ASCC3: variants seen among roughly 807,000 people sequenced by gnomAD.
The protein encoded by ASCC3 is activating signal cointegrator 1 complex subunit 3.
Under a neutral mutation model 256.3 loss-of-function variants are expected in ASCC3, and 158 were observed. The ratio of observed to expected loss-of-function variants is 0.62; its 90% CI spans 0.54 to 0.70. The LOEUF is 0.70. Among genes scored for constraint, ASCC3 ranks in the 30% least tolerant of loss-of-function variants. The probability of loss-of-function intolerance (pLI) is 0.00; values close to 1 mark genes in which losing one functional copy is unlikely to be tolerated. For missense variants in ASCC3, 2,259 were observed against 2,626.0 expected, an observed-to-expected ratio of 0.86 and a Z score of 3.05; for synonymous variants, 948 against 883.4, an observed-to-expected ratio of 1.07 and a Z score of -1.30.
intron 24 of ASCC3, among the ~76,000 whole-genome samples, chr6:100,641,742 T>C (rs758131307): frequency 8.5e-5 from 13 of 152,106 alleles, no homozygotes; most frequent in African/African-American, 3.1e-4. Context: ...CTATTCACAA[T>C]AGCAAAGACT....
chr6:100,854,240 G>GAGACA, intron 3 of ASCC3, among the ~76,000 whole-genome samples: 1 of 151,240 alleles, frequency 6.6e-6, no homozygotes. Context: ...AACAGAGGTA[G>GAGACA]GCATTTTCCA....
intron 8 of ASCC3, among the ~76,000 whole-genome samples, chr6:100,793,583 A>G (rs945928594): frequency 8.6e-5 from 13 of 152,030 alleles, no homozygotes; most frequent in African/African-American, 3.1e-4. Flanking sequence ...CATCATAGCA[A>G]AGATGATTTC....
In ASCC3 at chr6:100,666,682, G is replaced by C. The variant is rs115432607; in HGVS notation, c.2287-4146C>G. On this transcript the variant is annotated intron_variant, in intron 14 of 41. Coordinates refer to ENST00000369162, the MANE Select transcript of ASCC3 (RefSeq NM_006828.4). Reference sequence around the variant, plus strand: ...ATAAGGAGCGAGTTTTTTACAGAAGGATATTTGCAATGATGTTTTTATCCA... The same window carrying C: ...ATAAGGAGCGAGTTTTTTACAGAAGCATATTTGCAATGATGTTTTTATCCA... Among the ~76,000 whole-genome samples the C allele has an allele frequency of 6.0e-3, 919 of 152,186 alleles. 13 individuals carry two copies. The highest frequency in any genetic ancestry group is 0.021 in the African/African-American group (868 of 41,522).
At chr6:100,655,860 G>A in intron 16 of ASCC3, 42 bp from the exon 17 acceptor site, 1 of 1,601,238 alleles carries the variant, frequency 6.2e-7, no homozygotes, top group Non-Finnish European at 8.5e-7. Flanking sequence ...TATTAAAGTT[G>A]AACATAAACA....
At chr6:100,680,496 T>C (rs1777245584) in intron 13 of ASCC3, among the ~76,000 whole-genome samples, 2 of 152,180 alleles carry the variant, frequency 1.3e-5, no homozygotes, top group Admixed American at 6.5e-5. Context: ...CTACCTTACA[T>C]CAGAATCAGC....
chr6:100,733,999 T>C (rs909427520), intron 10 of ASCC3, among the ~76,000 whole-genome samples: 3 of 152,198 alleles, frequency 2.0e-5, no homozygotes, highest in Non-Finnish European at 4.4e-5. Flanking sequence ...ATAGTTCTTG[T>C]AGGAGCTACA....
At chr6:100,726,841 T>C (rs1779652475) in intron 10 of ASCC3, among the ~76,000 whole-genome samples, 1 of 152,030 alleles carries the variant, frequency 6.6e-6, no homozygotes, top group Non-Finnish European at 1.5e-5. Flanking sequence ...ACTTTTACTG[T>C]CAACTTAAAT....
At chr6:100,577,022 C>T (rs1770905583) in intron 36 of ASCC3, among the ~76,000 whole-genome samples, 2 of 148,408 alleles carry the variant, frequency 1.3e-5, no homozygotes, top group Non-Finnish European at 3.0e-5. Context: ...AACAGACTGC[C>T]ACATTAAAAA....
chr6:100,628,931 A>T lies in ASCC3; in HGVS notation c.4375+84T>A. ...TTGTGCCCTAGAAATATATATAAAT[A>T]TTACATGCAAATTAAAAATACTAAT... is the stretch of plus-strand genomic sequence containing the variant. On this transcript the variant is annotated intron_variant, in intron 27 of 41. Transcript: ENST00000369162. 2.5e-6 allele frequency: 3 copies of T among 1,223,368 alleles called. No homozygotes were observed. The South Asian group carries it at 4.2e-5, about 17-fold the overall frequency. The allele number at this position is 1,223,368 out of a possible 1,614,324, so 75.8% of individuals were successfully genotyped here.
At chr6:100,878,724 C>A (rs1238576142) in intron 1 of ASCC3, among the ~76,000 whole-genome samples, 1 of 152,216 alleles carries the variant, frequency 6.6e-6, no homozygotes, top group Non-Finnish European at 1.5e-5. Flanking sequence ...GGAATTTACG[C>A]CTGCCCTCTT....
chr6:100,528,443 TA>T (rs1242834419), intron 37 of ASCC3, among the ~76,000 whole-genome samples: 4 of 152,216 alleles, frequency 2.6e-5, no homozygotes. Context: ...GCAGCTGATT[TA>T]TTTTTTTGGC....
intron 36 of ASCC3, among the ~76,000 whole-genome samples, chr6:100,564,225 T>C (rs1770113507): frequency 6.6e-6 from 1 of 151,830 alleles, no homozygotes; most frequent in Non-Finnish European, 1.5e-5. Context: ...ACATTCTAGG[T>C]CTTCTCTTCT....
chr6:100,802,096 G>T (rs1482987320), intron 5 of ASCC3, among the ~76,000 whole-genome samples: 1 of 151,238 alleles, frequency 6.6e-6, no homozygotes, highest in South Asian at 2.1e-4. Context: ...AGCTTAAAAG[G>T]TCTAATTAGA....
chr6:100,568,546 C>T (rs541887741), intron 36 of ASCC3, among the ~76,000 whole-genome samples: 66 of 151,584 alleles, frequency 4.4e-4, no homozygotes, highest in South Asian at 2.7e-3. Context: ...AGAGTTATTT[C>T]GTTTTTTTTG....
At chr6:100,668,605 C>T (rs1358540171) in intron 14 of ASCC3, among the ~76,000 whole-genome samples, 1 of 151,780 alleles carries the variant, frequency 6.6e-6, no homozygotes, top group African/African-American at 2.4e-5. Context: ...ATATTAAAAC[C>T]TGACAAAGCA....
At chr6:100,849,929 G>A (rs567380862) in intron 3 of ASCC3, among the ~76,000 whole-genome samples, 82 of 151,728 alleles carry the variant, frequency 5.4e-4, no homozygotes, top group Non-Finnish European at 8.4e-4. Flanking sequence ...GTGAAATCCC[G>A]TCTTTACTAA....
At chr6:100,816,961 A>C (rs1053835302) in intron 4 of ASCC3, among the ~76,000 whole-genome samples, 20 of 152,112 alleles carry the variant, frequency 1.3e-4, no homozygotes, top group African/African-American at 4.6e-4. Flanking sequence ...GAAATATAGG[A>C]TTGAGCAACG....
rs1225140999 is a variant in ASCC3 at position 100,606,834 on chromosome 6, G to A, written c.4950C>T (p.Ala1650=). The A allele has an allele frequency of 6.2e-7, 1 of 1,612,018 alleles. No homozygotes were observed. Among genetic ancestry groups the A allele is most frequent in the Non-Finnish European group, 8.5e-7 (1 of 1,179,102 alleles). ...AATGAGCTGGAAAGTTTACACCCCA[G>A]GCTAATGTGCTTGTAGCAATAAGAA... ...VQVLIATSTL[A]WGVNFPAHLV... The change falls in exon 32 of 42, where the codon GCC becomes GCT. Residue 1650 remains alanine (A), a synonymous_variant. Coordinates refer to ENST00000369162, the MANE Select transcript of ASCC3 (RefSeq NM_006828.4).
rs573753507 is a variant in ASCC3, at chr6:100,686,606, T to C, written c.2152-6854A>G. ...TTACATAGAAACACCAAAACTTATT[T>C]ATAATAACTAGTCCTTGTTTGATGG... On this transcript the variant is annotated intron_variant, in intron 13 of 41. Coordinates refer to ENST00000369162, the MANE Select transcript of ASCC3 (RefSeq NM_006828.4). Among the ~76,000 whole-genome samples, 14 of 152,308 alleles carry C rather than the reference T, an allele frequency of 9.2e-5. No individual in the cohort carries two copies. In the South Asian group the frequency reaches 2.9e-3, roughly 32 times the overall value.
Sources: gnomAD v4.1 joint callset for allele counts (sites outside exome capture counted in the v4.1 genomes callset) on GRCh38, gnomAD v4.1.1 for gene constraint, MANE v1.5 for transcripts, NCBI Gene and HGNC (gene_info 2026-07-23, HGNC 2026-07-21) for gene names.